The following ATP6AP2 variants were observed in gnomAD, a reference collection of about 807,000 sequenced individuals.
ATP6AP2 encodes the protein renin receptor.
A neutral mutation model predicts 23.4 loss-of-function variants in ATP6AP2; 1 was observed. That is an observed-to-expected ratio of 0.04 (90% CI 0.02 to 0.20). The LOEUF is 0.20. ATP6AP2 is among the 10% of genes least tolerant of loss of function. The pLI, the probability that ATP6AP2 is intolerant of heterozygous loss-of-function variation, is 1.00. For missense variants in ATP6AP2, 174 were observed against 271.3 expected, an observed-to-expected ratio of 0.64 and a Z score of 2.52; for synonymous variants, 90 against 97.1, an observed-to-expected ratio of 0.93 and a Z score of 0.43.
Position 40,600,785 on chromosome X carries a change from T to C in ATP6AP2, c.762T>C (p.Leu254=), listed in dbSNP as rs1293864350. The C allele has an allele frequency of 8.3e-7, 1 of 1,206,177 alleles. No homozygotes were observed. Among genetic ancestry groups the C allele is most frequent in the East Asian group, 3.0e-5 (1 of 33,736 alleles). ...AGTTTGCAGATGACATGTACAGTCT[T>C]TATGGTGGGAATGCAGTGGTAGAGT... ...LQKFADDMYS[L]YGGNAVVELV... The change falls in exon 8 of 9, where the codon CTT becomes CTC. Residue 254 remains leucine, a synonymous_variant. Coordinates refer to ENST00000636580, the MANE Select transcript of ATP6AP2 (RefSeq NM_005765.3).
At chrX:40,589,181 T>A in intron 2 of ATP6AP2, 65 bp downstream of exon 2, 1 of 1,151,883 alleles carries the variant, frequency 8.7e-7, no homozygotes, top group East Asian at 3.0e-5. Context: ...TTTCTGCTAA[T>A]AGCCCAAAAA....
At position 40,591,412 on chromosome X, in the gene ATP6AP2, C is replaced by T. The variant is rs752061599; in HGVS notation, c.300+47C>T. On this transcript the variant is annotated intron_variant, in intron 3 of 8. Transcript: ENST00000636580. ...TTAAAGGGATGCATTTTACATTTTC[C>T]CTTGTCAGCTGTCATTATGAATTGC... 3.5e-6 allele frequency: 4 copies of T among 1,154,682 alleles called. No individual in the cohort carries two copies. In the South Asian group the frequency reaches 5.6e-5, roughly 16 times the overall value.
intron 5 of ATP6AP2, 131 bp downstream of exon 5, chrX:40,597,795 C>T: frequency 1.4e-6 from 1 of 694,778 alleles, no homozygotes; most frequent in Non-Finnish European, 2.2e-6. Flanking sequence ...GTCTTGGCCT[C>T]CCAAAGTGCT....
At chrX:40,582,462 C>T (rs1387017118) in intron 1 of ATP6AP2, among the ~76,000 whole-genome samples, 2 of 111,545 alleles carry the variant, frequency 1.8e-5, no homozygotes, top group Non-Finnish European at 3.8e-5. Context: ...AAACCAAAAA[C>T]CTATGTGAGG....
rs1242346020 is a variant in ATP6AP2, at chrX:40,581,002, C to T, written c.-64C>T. ...AGCGCGTCACCTCCTCACGCTGCGGCTGTCGCCCGTGTCCCGCCGGCCCGT... is the reference window on the plus strand; with the variant it reads ...AGCGCGTCACCTCCTCACGCTGCGGTTGTCGCCCGTGTCCCGCCGGCCCGT... On this transcript the variant is annotated 5_prime_UTR_variant, in exon 1 of 9. Transcript: ENST00000636580. 8.7e-6 allele frequency: 10 copies of T among 1,147,686 alleles called. No individual in the cohort carries two copies. Among genetic ancestry groups the T allele is most frequent in the African/African-American group, 1.8e-5 (1 of 55,855 alleles). 94.6% of individuals were successfully genotyped at this position (1,147,686 alleles called of 1,213,427 possible). A position where few individuals can be genotyped will look rare whatever the true frequency, so the allele number is the denominator to read the frequency against.
chrX:40,597,771 C>T lies in ATP6AP2; in HGVS notation c.534+107C>T, dbSNP rs1926811356. On this transcript the variant is annotated intron_variant, in intron 5 of 8. Coordinates refer to ENST00000636580, the MANE Select transcript of ATP6AP2 (RefSeq NM_005765.3). Reference sequence around the variant, plus strand: ...GTCCAGGCTGGTCTTGAACTCCTGGCCTCAAGCAATCCTGTCTTGGCCTCC... The same window carrying T: ...GTCCAGGCTGGTCTTGAACTCCTGGTCTCAAGCAATCCTGTCTTGGCCTCC... The T allele has an allele frequency of 8.1e-6, 7 of 869,312 alleles. No individual in the cohort carries two copies. The Admixed American group carries it at 1.6e-4, about 20-fold the overall frequency. The allele number at this position is 869,312 out of a possible 1,213,427, so 71.6% of individuals were successfully genotyped here. A position where few individuals can be genotyped will look rare whatever the true frequency, so the allele number is the denominator to read the frequency against.
intron 3 of ATP6AP2, among the ~76,000 whole-genome samples, chrX:40,593,709 T>C (rs1644173410): frequency 9.1e-6 from 1 of 110,128 alleles, no homozygotes; most frequent in Admixed American, 9.8e-5. Context: ...GGTTTCATCA[T>C]GTTGGCCAGG....
chrX:40,582,748 A>T (rs1926362413), intron 1 of ATP6AP2, among the ~76,000 whole-genome samples: 1 of 112,453 alleles, frequency 8.9e-6, no homozygotes, highest in Admixed American at 9.5e-5. Context: ...GTTTAACTGA[A>T]CATCTATTGA....
In ATP6AP2 at chrX:40,591,218, G is replaced by A. The variant is rs747065751; in HGVS notation, c.169-16G>A. On this transcript the variant is annotated splice_polypyrimidine_tract_variant and intron_variant, in intron 2 of 8. Coordinates refer to ENST00000636580, the MANE Select transcript of ATP6AP2 (RefSeq NM_005765.3). ...AGTTGATAATTAAGCACCGCTTTGT[G>A]CTTTTCAATGTTTAGGACCTTTCTT... The A allele has an allele frequency of 2.5e-6, 3 of 1,209,896 alleles. No homozygotes were observed. Among genetic ancestry groups the A allele is most frequent in the Non-Finnish European group, 3.4e-6 (3 of 895,254 alleles).
intron 8 of ATP6AP2, among the ~76,000 whole-genome samples, chrX:40,603,774 G>A (rs974996693): frequency 9.1e-6 from 1 of 110,330 alleles, no homozygotes; most frequent in Non-Finnish European, 1.9e-5. Flanking sequence ...ACAGGGTCTC[G>A]CCCTGTCCCA....
rs1316088116 is a variant in ATP6AP2, at chrX:40,605,859, A to T, written c.*104A>T. ...AGTAGATAGTATACTTTACATTTAT[A>T]AAAAAAAATCAAATTTTGTTCTTTA... On this transcript the variant is annotated 3_prime_UTR_variant, in exon 9 of 9. Coordinates refer to ENST00000636580, the MANE Select transcript of ATP6AP2 (RefSeq NM_005765.3). The T allele has an allele frequency of 4.1e-5, 29 of 714,342 alleles. No homozygotes were observed. Among genetic ancestry groups the T allele is most frequent in the South Asian group, 1.1e-4 (4 of 36,890 alleles). The allele number at this position is 714,342 out of a possible 1,213,427, so 58.9% of individuals were successfully genotyped here. A position where few individuals can be genotyped will look rare whatever the true frequency, so the allele number is the denominator to read the frequency against.
intron 1 of ATP6AP2, 103 bp from the exon 2 acceptor site, chrX:40,588,883 C>A: frequency 1.1e-6 from 1 of 931,764 alleles, no homozygotes; most frequent in Non-Finnish European, 1.5e-6. Flanking sequence ...ATTTAATACG[C>A]TAAGTCAGTG....
In ATP6AP2 at chrX:40,589,134, A is replaced by T; in HGVS notation, c.168+18A>T. 8.3e-7 allele frequency: 1 copy of T among 1,205,332 alleles called. No individual in the cohort carries two copies. The highest frequency in any genetic ancestry group is 1.1e-6 in the Non-Finnish European group (1 of 891,727). On this transcript the variant is annotated intron_variant, in intron 2 of 8. Transcript: ENST00000636580. The stretch of plus-strand genomic sequence containing the variant: ...TGAAAGAAGTATGTATATATTTTTT[A>T]AATGTTTGGAGCTGCTTTTAAGAAC...
At position 40,602,669 on chromosome X, in the gene ATP6AP2, G is replaced by A. The variant is rs969991440; in HGVS notation, c.858+1788G>A. Among the ~76,000 whole-genome samples the A allele has an allele frequency of 5.9e-5, 6 of 101,527 alleles. No homozygotes were observed. The South Asian group carries it at 2.6e-3, about 45-fold the overall frequency. 88.2% of individuals were successfully genotyped at this position (101,527 alleles called of 115,157 possible). On this transcript the variant is annotated intron_variant, in intron 8 of 8. Coordinates refer to ENST00000636580, the MANE Select transcript of ATP6AP2 (RefSeq NM_005765.3). ...CATCTCAAAAAAAAAAAAAAAAACCGAATGTGGTAAGCAGGCCGCCCTAAG... is the reference window on the plus strand; with the variant it reads ...CATCTCAAAAAAAAAAAAAAAAACCAAATGTGGTAAGCAGGCCGCCCTAAG...
intron 8 of ATP6AP2, among the ~76,000 whole-genome samples, chrX:40,604,213 A>G (rs1293912311): frequency 1.8e-5 from 2 of 112,330 alleles, no homozygotes; most frequent in African/African-American, 6.5e-5. Context: ...AACATATTTA[A>G]TACTAGTTAT....
chrX:40,600,215 C>G (rs1292221333), intron 7 of ATP6AP2: 1 of 131,487 alleles, frequency 7.6e-6, no homozygotes, highest in Non-Finnish European at 1.5e-5. Context: ...TGCTAGTTCC[C>G]CTCTGCCCTT....
At chrX:40,597,780 A>G in intron 5 of ATP6AP2, 116 bp downstream of exon 5, 16 of 815,937 alleles carry the variant, frequency 2.0e-5, no homozygotes, top group Non-Finnish European at 2.5e-5. Context: ...GCCTCAAGCA[A>G]TCCTGTCTTG....
Position 40,592,233 on chromosome X carries a change from G to A in ATP6AP2, c.300+868G>A, listed in dbSNP as rs1271828069. 8 of 112,408 alleles carry A rather than the reference G, an allele frequency of 7.1e-5. No individual in the cohort carries two copies. In the Admixed American group the frequency reaches 7.5e-4, roughly 11 times the overall value. 9.3% of individuals were successfully genotyped at this position (112,408 alleles called of 1,213,427 possible). A position where few individuals can be genotyped will look rare whatever the true frequency, so the allele number is the denominator to read the frequency against. ...CTTTGGTCAAATACGGAAGATGAGT[G>A]GAATTTACAAAGCACCTGAAGGAAA... On this transcript the variant is annotated intron_variant, in intron 3 of 8. Transcript: ENST00000636580.
chrX:40,589,560 T>G (rs1352613398), intron 2 of ATP6AP2: 1 of 114,390 alleles, frequency 8.7e-6, no homozygotes, highest in Non-Finnish European at 1.8e-5. Flanking sequence ...ACTTTCTGGT[T>G]TTTTTTTTTT....
Sources: gnomAD v4.1 joint callset for allele counts (sites outside exome capture counted in the v4.1 genomes callset) on GRCh38, gnomAD v4.1.1 for gene constraint, MANE v1.5 for transcripts, NCBI Gene and HGNC (gene_info 2026-07-23, HGNC 2026-07-21) for gene names.